GPRASP2: variants seen among roughly 807,000 people sequenced by gnomAD.
GPRASP2 encodes G protein-coupled receptor-associated sorting protein 2.
A neutral mutation model predicts 36.0 loss-of-function variants in GPRASP2; 10 were observed. The observed-to-expected ratio is 0.28, with a 90% confidence interval of 0.17 to 0.47. The LOEUF (loss-of-function observed/expected upper bound fraction) is 0.47. Among genes scored for constraint, GPRASP2 ranks in the 20% least tolerant of loss-of-function variants. The probability of loss-of-function intolerance (pLI) is 0.99; values close to 1 mark genes in which losing one functional copy is unlikely to be tolerated. For synonymous variants in GPRASP2, 219 were observed against 230.5 expected, an observed-to-expected ratio of 0.95 and a Z score of 0.45; for missense variants, 538 against 626.7, an observed-to-expected ratio of 0.86 and a Z score of 1.51.
At position 102,717,312 on chromosome X, in the gene GPRASP2, T is replaced by C. The variant is rs1234396628; in HGVS notation, c.2443T>C (p.Phe815Leu). 5 of 1,099,259 alleles carry C rather than the reference T, an allele frequency of 4.5e-6. No individual in the cohort carries two copies. Among genetic ancestry groups the C allele is most frequent in the Admixed American group, 3.3e-5 (1 of 30,613 alleles). The allele number at this position is 1,099,259 out of a possible 1,213,427, so 90.6% of individuals were successfully genotyped here. The stretch of plus-strand genomic sequence containing the variant: ...GCCGCTTATTTCTGCATTTCGTGAA[T>C]TTGAGGAGTTAGCTAAGCAACTACA... ...LEPLISAFRE[F>L]EELAKQLQAQ... The change falls in exon 5 of 5, where the codon TTT (phenylalanine) becomes CTT (leucine). Residue 815 changes from phenylalanine (F) to leucine (L), a missense_variant. This residue lies in a region of GPRASP2 where 262 missense variants were observed against 351.7 expected (regional missense o/e 0.74). Coordinates refer to ENST00000483720, the MANE Select transcript of GPRASP2 (RefSeq NM_001004051.4).
In GPRASP2 at chrX:102,715,221, C is replaced by T; in HGVS notation, c.352C>T (p.Pro118Ser). Residue 118 changes from proline to serine, a missense_variant, in exon 5 of 5, where the codon CCT (proline) becomes TCT (serine). Physicochemically the swap from Pro to Ser is moderately conservative, Grantham distance 74. Around this residue, in one of 2 missense-constraint regions of GPRASP2, gnomAD observed 276 missense variants for 275.0 expected, o/e 1.00. Transcript: ENST00000483720. ...TTCTAAAACTGATGCCAAGGCAATC[C>T]CTGGAGCAAGGCCCAAGGATGAGGC... ...ARSKTDAKAI[P>S]GARPKDEAQA... 1 of 1,212,382 alleles carries T rather than the reference C, an allele frequency of 8.2e-7. No individual in the cohort carries two copies. The highest frequency in any genetic ancestry group is 1.1e-6 in the Non-Finnish European group (1 of 895,637).
chrX:102,717,250 G>A lies in GPRASP2; in HGVS notation c.2381G>A (p.Gly794Glu). 1 of 1,107,273 alleles carries A rather than the reference G, an allele frequency of 9.0e-7. No homozygotes were observed. The highest frequency in any genetic ancestry group is 1.2e-6 in the Non-Finnish European group (1 of 844,080). The allele number at this position is 1,107,273 out of a possible 1,213,427, so 91.3% of individuals were successfully genotyped here. A position where few individuals can be genotyped will look rare whatever the true frequency, so the allele number is the denominator to read the frequency against. Residue 794 changes from glycine (G) to glutamate (E), a missense_variant, in exon 5 of 5, where the codon GGA becomes GAA. By Grantham distance (98) the Gly-to-Glu change is moderately conservative (BLOSUM62 -2). Transcript: ENST00000483720. ...FQNISNIIKSGKMSLIDDDFS... is the reference protein window; with the variant it reads ...FQNISNIIKSEKMSLIDDDFS... ...AATATCAGTAACATTATAAAAAGTGGAAAGATGTCCTTAATTGATGATGAT... is the reference window on the plus strand; with the variant it reads ...AATATCAGTAACATTATAAAAAGTGAAAAGATGTCCTTAATTGATGATGAT...
intron 2 of GPRASP2, among the ~76,000 whole-genome samples, chrX:102,713,561 A>G (rs1238807782): frequency 2.6e-5 from 3 of 113,239 alleles, no homozygotes; most frequent in South Asian, 7.1e-4. Flanking sequence ...AGAAGGGAGT[A>G]ATGGGAAGAA....
Position 102,714,716 on chromosome X carries a change from C to G in GPRASP2, c.-154C>G, listed in dbSNP as rs913335996. On this transcript the variant is annotated 5_prime_UTR_variant, in exon 5 of 5. Coordinates refer to ENST00000483720, the MANE Select transcript of GPRASP2 (RefSeq NM_001004051.4). ...GTTTGGGAAGGAGGCTGAGTGACTA[C>G]TGGACTGGATATTGACTCTAACTCT... The G allele has an allele frequency of 2.5e-5, 22 of 878,174 alleles. No homozygotes were observed. The highest frequency in any genetic ancestry group is 6.7e-5 in the East Asian group (2 of 29,988). The allele number at this position is 878,174 out of a possible 1,213,427, so 72.4% of individuals were successfully genotyped here.
chrX:102,715,941 C>T lies in GPRASP2; in HGVS notation c.1072C>T (p.Pro358Ser), dbSNP rs1393447175. ...SRFRHRDKED[P>S]NTALKLRAQK... Reference sequence around the variant, plus strand: ...ATTCAGGCACAGAGACAAAGAAGATCCTAATACTGCCTTGAAACTCAGGGC... The same window carrying T: ...ATTCAGGCACAGAGACAAAGAAGATTCTAATACTGCCTTGAAACTCAGGGC... The change falls in exon 5 of 5, where the codon CCT (proline) becomes TCT (serine). Residue 358 changes from proline to serine, a missense_variant. By Grantham distance (74) the Pro-to-Ser change is moderately conservative (BLOSUM62 -1). Coordinates refer to ENST00000483720, the MANE Select transcript of GPRASP2 (RefSeq NM_001004051.4). 8.3e-7 allele frequency: 1 copy of T among 1,211,383 alleles called. No individual in the cohort carries two copies. The highest frequency in any genetic ancestry group is 1.1e-6 in the Non-Finnish European group (1 of 895,473).
Position 102,715,923 on chromosome X carries a change from C to T in GPRASP2, c.1054C>T (p.His352Tyr), listed in dbSNP as rs150090954. ...PGEEANSRFR[H>Y]RDKEDPNTAL... ...AGAAGAGGCCAATAGTAGATTCAGG[C>T]ACAGAGACAAAGAAGATCCTAATAC... The change falls in exon 5 of 5, where the codon CAC (histidine) becomes TAC (tyrosine). Residue 352 changes from histidine (H) to tyrosine (Y), a missense_variant. By Grantham distance (83) the His-to-Tyr change is moderately conservative (BLOSUM62 2). Coordinates refer to ENST00000483720, the MANE Select transcript of GPRASP2 (RefSeq NM_001004051.4). 3.3e-6 allele frequency: 4 copies of T among 1,209,833 alleles called. No homozygotes were observed. Among genetic ancestry groups the T allele is most frequent in the Non-Finnish European group, 3.4e-6 (3 of 895,256 alleles).
At chrX:102,712,873 G>A (rs1301234799) in intron 1 of GPRASP2, among the ~76,000 whole-genome samples, 1 of 112,933 alleles carries the variant, frequency 8.9e-6, no homozygotes, top group Admixed American at 9.2e-5. Context: ...GCCCGGAGAG[G>A]GCTGTGGGGG....
chrX:102,716,385 G>T lies in GPRASP2; in HGVS notation c.1516G>T (p.Val506Phe), dbSNP rs1361578775. The T allele has an allele frequency of 8.3e-7, 1 of 1,210,370 alleles. No homozygotes were observed. The highest frequency in any genetic ancestry group is 2.2e-5 in the Admixed American group (1 of 45,811). The change falls in exon 5 of 5, where the codon GTT (valine) becomes TTT (phenylalanine). Residue 506 changes from valine to phenylalanine, a missense_variant. Physicochemically the swap from Val to Phe is conservative, Grantham distance 50. Around this residue, in one of 2 missense-constraint regions of GPRASP2, gnomAD observed 262 missense variants for 351.7 expected, o/e 0.74. Transcript: ENST00000483720. The part of the protein sequence containing the change: ...VEFKPGLFHG[V>F]GFRSTSPFGI... ...ATTCAAACCTGGTCTTTTTCATGGG[G>T]TTGGCTTCCGATCCACAAGCCCCTT...
rs2081978694 is a variant in GPRASP2, at chrX:102,717,267, G to A, written c.2398G>A (p.Asp800Asn). The change falls in exon 5 of 5, where the codon GAT becomes AAT. Residue 800 changes from aspartate (D) to asparagine (N), a missense_variant. This residue lies in a region of GPRASP2 where 262 missense variants were observed against 351.7 expected (regional missense o/e 0.74). Transcript: ENST00000483720. Reference sequence around the variant, plus strand: ...AAAAAGTGGAAAGATGTCCTTAATTGATGATGATTTCAGTCTTGAGCCGCT... The same window carrying A: ...AAAAAGTGGAAAGATGTCCTTAATTAATGATGATTTCAGTCTTGAGCCGCT... ...IIKSGKMSLIDDDFSLEPLIS... is the reference protein window; with the variant it reads ...IIKSGKMSLINDDFSLEPLIS... The A allele has an allele frequency of 9.1e-7, 1 of 1,099,217 alleles. No individual in the cohort carries two copies. The highest frequency in any genetic ancestry group is 1.9e-5 in the African/African-American group (1 of 53,745). 90.6% of individuals were successfully genotyped at this position (1,099,217 alleles called of 1,213,427 possible). A position where few individuals can be genotyped will look rare whatever the true frequency, so the allele number is the denominator to read the frequency against.
Position 102,717,504 on chromosome X carries a change from T to C in GPRASP2, c.*118T>C. ...TATATTTTTTAATGCTGATGTTAAC[T>C]TTGTCAAACTCTTGTTTTGAGCTGG... On this transcript the variant is annotated 3_prime_UTR_variant, in exon 5 of 5. Coordinates refer to ENST00000483720, the MANE Select transcript of GPRASP2 (RefSeq NM_001004051.4). 5 of 929,745 alleles carry C rather than the reference T, an allele frequency of 5.4e-6. No homozygotes were observed. The highest frequency in any genetic ancestry group is 6.8e-6 in the Non-Finnish European group (5 of 732,384). The allele number at this position is 929,745 out of a possible 1,213,427, so 76.6% of individuals were successfully genotyped here. A position where few individuals can be genotyped will look rare whatever the true frequency, so the allele number is the denominator to read the frequency against.
At position 102,714,532 on chromosome X, in the gene GPRASP2, C is replaced by A; in HGVS notation, c.-333-5C>A. 4.0e-6 allele frequency: 1 copy of A among 250,837 alleles called. No individual in the cohort carries two copies. The highest frequency in any genetic ancestry group is 7.1e-6 in the Non-Finnish European group (1 of 141,758). The allele number at this position is 250,837 out of a possible 1,213,427, so 20.7% of individuals were successfully genotyped here. ...TCAAAGCCTCATTTCATTCTCTCTC[C>A]CTAGATCCACCTCCAGTGGCTGCTC... On this transcript the variant is annotated splice_region_variant and splice_polypyrimidine_tract_variant and intron_variant, in intron 4 of 4. Coordinates refer to ENST00000483720, the MANE Select transcript of GPRASP2 (RefSeq NM_001004051.4).
Position 102,712,449 on chromosome X carries a change from T to C in GPRASP2, c.-671T>C, listed in dbSNP as rs2081884929. The C allele has an allele frequency of 2.7e-5, 3 of 112,854 alleles. No homozygotes were observed. The highest frequency in any genetic ancestry group is 9.3e-5 in the Admixed American group (1 of 10,789). The allele number at this position is 112,854 out of a possible 1,213,427, so 9.3% of individuals were successfully genotyped here. On this transcript the variant is annotated 5_prime_UTR_variant, in exon 1 of 5. Transcript: ENST00000483720. ...GCAGAGGCGTGGGGGGCGGGACGCG[T>C]CTTTCCCGTTCGGATCGCGGGGAAA...
chrX:102,715,499 C>T lies in GPRASP2; in HGVS notation c.630C>T (p.Ser210=). ...EETNMGSWCY[S]RPRAREEASN... ...CTAATATGGGGTCTTGGTGCTATTC[C>T]AGGCCCAGGGCCAGAGAGGAGGCCT... Residue 210 remains serine (S), a synonymous_variant, in exon 5 of 5, where the codon TCC becomes TCT. Coordinates refer to ENST00000483720, the MANE Select transcript of GPRASP2 (RefSeq NM_001004051.4). 1 of 1,212,078 alleles carries T rather than the reference C, an allele frequency of 8.3e-7. No homozygotes were observed.
chrX:102,716,775 G>C lies in GPRASP2; in HGVS notation c.1906G>C (p.Asp636His). 8.2e-7 allele frequency: 1 copy of C among 1,212,268 alleles called. No homozygotes were observed. The highest frequency in any genetic ancestry group is 1.1e-6 in the Non-Finnish European group (1 of 895,646). Residue 636 changes from aspartate (D) to histidine (H), a missense_variant, in exon 5 of 5, where the codon GAT becomes CAT. By Grantham distance (81) the Asp-to-His change is moderately conservative (BLOSUM62 -1). Around this residue, in one of 2 missense-constraint regions of GPRASP2, gnomAD observed 262 missense variants for 351.7 expected, o/e 0.74. Transcript: ENST00000483720. ...TCAATTTACCCGAGATTTCATTCGA[G>C]ATTCAGGTGTTGTCTCACTTATTGA... The part of the protein sequence containing the change: ...ASQFTRDFIR[D>H]SGVVSLIETL...
rs766080079 is a variant in GPRASP2 at position 102,715,144 on chromosome X, G to A, written c.275G>A (p.Gly92Glu). ...GCAAGACCCAAAACGGAGGCTCAAG[G>A]AATCACAGGGGCCAGGCCCAAAACC... ...GGARPKTEAQ[G>E]ITGARPKTDA... Residue 92 changes from glycine (G) to glutamate (E), a missense_variant, in exon 5 of 5, where the codon GGA becomes GAA. Gly to Glu is a moderately conservative substitution (Grantham distance 98). Around this residue, in one of 2 missense-constraint regions of GPRASP2, gnomAD observed 276 missense variants for 275.0 expected, o/e 1.00. Transcript: ENST00000483720. 1.7e-5 allele frequency: 21 copies of A among 1,211,513 alleles called. No individual in the cohort carries two copies. Among genetic ancestry groups the A allele is most frequent in the Non-Finnish European group, 2.2e-5 (20 of 895,498 alleles).
Position 102,715,450 on chromosome X carries a change from C to T in GPRASP2, c.581C>T (p.Pro194Leu), listed in dbSNP as rs1461971050. The T allele has an allele frequency of 8.3e-7, 1 of 1,211,938 alleles. No homozygotes were observed. Among genetic ancestry groups the T allele is most frequent in the Non-Finnish European group, 1.1e-6 (1 of 895,543 alleles). Reference protein sequence around the residue: ...PGTQGQKGIQPWFGPGEETNM... With the variant: ...PGTQGQKGIQLWFGPGEETNM... Reference sequence around the variant, plus strand: ...ACCCAGGGTCAGAAAGGAATCCAGCCCTGGTTTGGACCAGGGGAGGAGACT... The same window carrying T: ...ACCCAGGGTCAGAAAGGAATCCAGCTCTGGTTTGGACCAGGGGAGGAGACT... Residue 194 changes from proline (P) to leucine (L), a missense_variant, in exon 5 of 5, where the codon CCC becomes CTC. Around this residue, in one of 2 missense-constraint regions of GPRASP2, gnomAD observed 276 missense variants for 275.0 expected, o/e 1.00. Transcript: ENST00000483720.
chrX:102,715,627 A>T lies in GPRASP2; in HGVS notation c.758A>T (p.Asn253Ile). 1.7e-6 allele frequency: 2 copies of T among 1,211,676 alleles called. No individual in the cohort carries two copies. The highest frequency in any genetic ancestry group is 1.1e-6 in the Non-Finnish European group (1 of 895,519). The change falls in exon 5 of 5, where the codon AAT becomes ATT. Residue 253 changes from asparagine (N) to isoleucine (I), a missense_variant. Coordinates refer to ENST00000483720, the MANE Select transcript of GPRASP2 (RefSeq NM_001004051.4). ...SVRSWPREES[N>I]TRSRHRAKHQ... Reference sequence around the variant, plus strand: ...AGATCATGGCCCAGGGAAGAGTCCAATACCAGGTCCAGGCACAGGGCTAAA... The same window carrying T: ...AGATCATGGCCCAGGGAAGAGTCCATTACCAGGTCCAGGCACAGGGCTAAA...
chrX:102,715,863 G>A lies in GPRASP2; in HGVS notation c.994G>A (p.Asp332Asn). The A allele has an allele frequency of 1.7e-6, 2 of 1,212,049 alleles. No individual in the cohort carries two copies. Among genetic ancestry groups the A allele is most frequent in the Non-Finnish European group, 2.2e-6 (2 of 895,612 alleles). Residue 332 changes from aspartate (D) to asparagine (N), a missense_variant, in exon 5 of 5, where the codon GAT becomes AAT. This residue lies in a region of GPRASP2 where 276 missense variants were observed against 275.0 expected (regional missense o/e 1.00). Transcript: ENST00000483720. ...AGATTGTTTTGAATCTGAGTCTGAA[G>A]ATGAGTTCTATAAGCAGTCCTGGGT... Reference protein sequence around the residue: ...REDCFESESEDEFYKQSWVLP... With the variant: ...REDCFESESENEFYKQSWVLP...
In GPRASP2 at chrX:102,714,831, G is replaced by C; in HGVS notation, c.-39G>C. The C allele has an allele frequency of 1.7e-6, 2 of 1,179,603 alleles. No homozygotes were observed. Among genetic ancestry groups the C allele is most frequent in the Non-Finnish European group, 2.3e-6 (2 of 880,946 alleles). ...ATCTGTGGTTGAGGTTTAGACTACGGGAGGAGTATATTACCTGACTTTCTT... is the reference window on the plus strand; with the variant it reads ...ATCTGTGGTTGAGGTTTAGACTACGCGAGGAGTATATTACCTGACTTTCTT... On this transcript the variant is annotated 5_prime_UTR_variant, in exon 5 of 5. Transcript: ENST00000483720.
Sources: allele counts gnomAD v4.1 joint callset (sites outside exome capture counted in the v4.1 genomes callset), GRCh38; gene constraint gnomAD v4.1.1; regional missense constraint gnomAD v4.1.1; transcripts MANE v1.5; gene names NCBI Gene and HGNC (gene_info 2026-07-23, HGNC 2026-07-21).